The following RAD51B variants were observed in gnomAD, a reference collection of about 807,000 sequenced individuals.
RAD51B encodes the protein RAD51 paralog B.
In RAD51B, 38 loss-of-function variants were observed where a neutral mutation model predicts 42.2. The ratio of observed to expected loss-of-function variants is 0.90; its 90% CI spans 0.70 to 1.18. The LOEUF is 1.18. Among genes scored for constraint, RAD51B ranks in the 50% most tolerant of loss-of-function variants. The pLI, the probability that RAD51B is intolerant of heterozygous loss-of-function variation, is 0.00. For synonymous variants in RAD51B, 154 were observed against 145.2 expected (o/e 1.06, Z -0.43); for missense variants, 373 against 400.7 (o/e 0.93, Z 0.59).
intron 10 of RAD51B, among the ~76,000 whole-genome samples, chr14:68,525,956 C>T (rs947681999): frequency 5.3e-5 from 8 of 152,188 alleles, no homozygotes; most frequent in African/African-American, 1.4e-4. Flanking sequence ...ACATGAACAT[C>T]CAAGTCAAAC....
At chr14:68,476,122 T>C (rs1459930608) in intron 10 of RAD51B, among the ~76,000 whole-genome samples, 1 of 151,416 alleles carries the variant, frequency 6.6e-6, no homozygotes, top group Non-Finnish European at 1.5e-5. Context: ...ATAAGTTTAA[T>C]CAAAAGCCAA....
intron 4 of RAD51B, among the ~76,000 whole-genome samples, chr14:67,861,988 G>A (rs1055151113): frequency 2.0e-5 from 3 of 151,600 alleles, no homozygotes; most frequent in Non-Finnish European, 4.4e-5. Context: ...GGGGGAAGGG[G>A]GAATAGGGGA....
chr14:67,949,218 G>C (rs1026706614), intron 7 of RAD51B, among the ~76,000 whole-genome samples: 2 of 152,128 alleles, frequency 1.3e-5, no homozygotes, highest in African/African-American at 4.8e-5. Context: ...AGCATATCAT[G>C]CTACTTGATA....
chr14:67,895,793 G>A (rs1033686), intron 7 of RAD51B, among the ~76,000 whole-genome samples: 16,891 of 151,862 alleles, frequency 0.11, 1,264 homozygotes, highest in Middle Eastern at 0.28. Context: ...CTTCTGTGCA[G>A]GCTGCTGGTA....
intron 7 of RAD51B, among the ~76,000 whole-genome samples, chr14:68,151,836 T>C (rs868683680): frequency 0.014 from 324 of 23,996 alleles, 1 homozygote; most frequent in African/African-American, 0.058. Context: ...TTTTTTTTTT[T>C]TTTTTTTTTT....
rs907786056 is a variant in RAD51B at position 68,465,950 on chromosome 14, A to T, written c.958-2222A>T. ...AGCTAGACTCTGTCTCAAAAAAAAA[A>T]AAAATAAATAAATAAATAAATAAAT... is the stretch of plus-strand genomic sequence containing the variant. On this transcript the variant is annotated intron_variant, in intron 9 of 10. Coordinates refer to ENST00000471583, the MANE Select transcript of RAD51B (RefSeq NM_133510.4). Among the ~76,000 whole-genome samples, 76 of 81,418 alleles carry T rather than the reference A, an allele frequency of 9.3e-4. 1 individual carries two copies. In the South Asian group the frequency reaches 0.016, roughly 17 times the overall value. 53.4% of individuals were successfully genotyped at this position (81,418 alleles called of 152,430 possible).
At chr14:68,669,627 TACAC>T (rs34821600) in intron 11 of RAD51B, among the ~76,000 whole-genome samples, 60,485 of 147,766 alleles carry the variant, frequency 0.41, 13,978 homozygotes, top group East Asian at 0.68. Context: ...ACCCGCCACT[TACAC>T]ACACACACAC....
chr14:68,566,480 TTG>T, intron 10 of RAD51B, among the ~76,000 whole-genome samples: 1 of 152,346 alleles, frequency 6.6e-6, no homozygotes, highest in South Asian at 2.1e-4. Context: ...ACTGCTTGTC[TTG>T]TATGCCCTGT....
At position 67,861,910 on chromosome 14, in the gene RAD51B, T is replaced by TA. The variant is rs200859626; in HGVS notation, c.316-3087dup. 9.0e-3 allele frequency among the ~76,000 whole-genome samples: 1,359 copies of TA among 150,672 alleles called. 21 individuals are homozygous for TA. The highest frequency in any genetic ancestry group is 0.031 in the African/African-American group (1,284 of 41,042). On this transcript the variant is annotated intron_variant, in intron 4 of 10. Transcript: ENST00000471583. ...TCTTATGAAAATTTATCTGCACTCT[T>TA]AAAAAATACTTGGAAAAATATTTTG...
chr14:68,512,501 C>G (rs909545178), intron 10 of RAD51B, among the ~76,000 whole-genome samples: 3 of 152,194 alleles, frequency 2.0e-5, no homozygotes, highest in Non-Finnish European at 4.4e-5. Flanking sequence ...CAGCAAATCT[C>G]TTTGTTTCTC....
chr14:68,624,350 C>G (rs996461175), intron 10 of RAD51B, among the ~76,000 whole-genome samples: 1 of 152,192 alleles, frequency 6.6e-6, no homozygotes, highest in Non-Finnish European at 1.5e-5. Flanking sequence ...CCTTTGTTAT[C>G]TGCCCATATG....
At position 68,109,139 on chromosome 14, in the gene RAD51B, G is replaced by A. The variant is rs536500501; in HGVS notation, c.757-182745G>A. On this transcript the variant is annotated intron_variant, in intron 7 of 10. Coordinates refer to ENST00000471583, the MANE Select transcript of RAD51B (RefSeq NM_133510.4). ...TTAAAAAATGTGTTTATTTTCAAGAGTATGGATTTGATTTAGAAACTGCTT... is the reference window on the plus strand; with the variant it reads ...TTAAAAAATGTGTTTATTTTCAAGAATATGGATTTGATTTAGAAACTGCTT... 9.2e-5 allele frequency among the ~76,000 whole-genome samples: 14 copies of A among 151,990 alleles called. No individual in the cohort carries two copies. In the East Asian group the frequency reaches 2.5e-3, roughly 27 times the overall value.
chr14:67,849,996 C>G (rs957665655), intron 4 of RAD51B, among the ~76,000 whole-genome samples: 2 of 152,122 alleles, frequency 1.3e-5, no homozygotes, highest in Non-Finnish European at 2.9e-5. Context: ...TAGGTGTTGG[C>G]ACTTCTAAAT....
At chr14:68,015,559 C>T (rs945828470) in intron 7 of RAD51B, among the ~76,000 whole-genome samples, 3 of 152,210 alleles carry the variant, frequency 2.0e-5, no homozygotes, top group African/African-American at 4.8e-5. Flanking sequence ...GAAGAGGGCG[C>T]GTACAGAAGA....
At chr14:67,874,113 A>G (rs954067527) in intron 5 of RAD51B, among the ~76,000 whole-genome samples, 16 of 150,820 alleles carry the variant, frequency 1.1e-4, no homozygotes, top group Non-Finnish European at 2.1e-4. Context: ...TAATTAAAAA[A>G]ATGTATTAAA....
chr14:67,856,238 A>G (rs1012007380), intron 4 of RAD51B, among the ~76,000 whole-genome samples: 2 of 152,102 alleles, frequency 1.3e-5, no homozygotes, highest in Admixed American at 1.3e-4. Flanking sequence ...AATATGAAAA[A>G]GGAGGGAGTG....
intron 10 of RAD51B, among the ~76,000 whole-genome samples, chr14:68,471,052 G>T (rs937550153): frequency 6.6e-6 from 1 of 152,226 alleles, no homozygotes; most frequent in Non-Finnish European, 1.5e-5. Flanking sequence ...GGTACCATCA[G>T]TCAAGGCCAA....
At chr14:68,174,673 T>C (rs1302102268) in intron 7 of RAD51B, among the ~76,000 whole-genome samples, 1 of 152,182 alleles carries the variant, frequency 6.6e-6, no homozygotes, top group Non-Finnish European at 1.5e-5. Context: ...CGTTAATGAC[T>C]AAAATTCTCT....
At chr14:67,873,665 A>G (rs1181640066) in intron 5 of RAD51B, among the ~76,000 whole-genome samples, 2 of 150,930 alleles carry the variant, frequency 1.3e-5, no homozygotes, top group East Asian at 1.9e-4. Flanking sequence ...ATTATTCACA[A>G]TAGCAAAGAC....
Sources: allele counts gnomAD v4.1 joint callset (sites outside exome capture counted in the v4.1 genomes callset), GRCh38; gene constraint gnomAD v4.1.1; transcripts MANE v1.5; gene names NCBI Gene and HGNC (gene_info 2026-07-23, HGNC 2026-07-21).